PTPRD: variants seen among roughly 807,000 people sequenced by gnomAD.
PTPRD encodes the protein receptor-type tyrosine-protein phosphatase delta.
A neutral mutation model predicts 214.5 loss-of-function variants in PTPRD; 34 were observed. The observed-to-expected ratio is 0.16, with a 90% confidence interval of 0.12 to 0.21. The LOEUF (loss-of-function observed/expected upper bound fraction) is 0.21. PTPRD is among the 10% of genes least tolerant of loss of function. The probability of loss-of-function intolerance (pLI) is 1.00; values close to 1 mark genes in which losing one functional copy is unlikely to be tolerated. For synonymous variants in PTPRD, 1,128 were observed against 845.7 expected (o/e 1.33, Z -5.79); for missense variants, 2,545 against 2,398.7 (o/e 1.06, Z -1.27).
intron 9 of PTPRD, among the ~76,000 whole-genome samples, chr9:9,321,506 G>T: frequency 7.1e-6 from 1 of 139,876 alleles, no homozygotes; most frequent in East Asian, 2.4e-4. Context: ...TGTGAGCCGA[G>T]ATCACACCAT....
At chr9:10,467,682 G>A (rs1336447861) in intron 2 of PTPRD, among the ~76,000 whole-genome samples, 2 of 152,154 alleles carry the variant, frequency 1.3e-5, no homozygotes, top group African/African-American at 2.4e-5. Flanking sequence ...ATATATGTGT[G>A]TAAACACAAC....
chr9:8,543,046 T>C (rs2078897701), intron 14 of PTPRD, among the ~76,000 whole-genome samples: 1 of 152,230 alleles, frequency 6.6e-6, no homozygotes, highest in South Asian at 2.1e-4. Flanking sequence ...GTTGTGTTCC[T>C]ATGAAGACAT....
intron 12 of PTPRD, among the ~76,000 whole-genome samples, chr9:8,709,266 G>C (rs1018371423): frequency 6.6e-6 from 1 of 152,130 alleles, no homozygotes; most frequent in Non-Finnish European, 1.5e-5. Flanking sequence ...TGTAATGCCA[G>C]CACTTTGGGA....
intron 5 of PTPRD, among the ~76,000 whole-genome samples, chr9:9,883,828 C>T (rs1249824371): frequency 6.6e-6 from 1 of 152,088 alleles, no homozygotes; most frequent in African/African-American, 2.4e-5. Flanking sequence ...CAAGGGAAAA[C>T]AACTGAAGTA....
At chr9:8,545,463 G>A (rs1399065462) in intron 14 of PTPRD, among the ~76,000 whole-genome samples, 4 of 152,168 alleles carry the variant, frequency 2.6e-5, no homozygotes, top group African/African-American at 9.7e-5. Context: ...TTTATGAATT[G>A]CAGGACATGA....
At chr9:8,590,398 A>G (rs953360138) in intron 14 of PTPRD, among the ~76,000 whole-genome samples, 4 of 152,170 alleles carry the variant, frequency 2.6e-5, no homozygotes, top group Admixed American at 2.6e-4. Context: ...ATATCCTAAA[A>G]TTCAAGTGTG....
intron 3 of PTPRD, among the ~76,000 whole-genome samples, chr9:10,165,918 G>T (rs760163610): frequency 2.7e-5 from 4 of 150,528 alleles, no homozygotes; most frequent in African/African-American, 9.7e-5. Flanking sequence ...TCAATATATA[G>T]ATCTATGCAG....
At chr9:9,249,029 T>C (rs1334965937) in intron 9 of PTPRD, among the ~76,000 whole-genome samples, 1 of 152,016 alleles carries the variant, frequency 6.6e-6, no homozygotes, top group Admixed American at 6.6e-5. Flanking sequence ...AAATCTCATG[T>C]TGAAATGTGA....
intron 5 of PTPRD, among the ~76,000 whole-genome samples, chr9:9,857,037 C>T (rs867081767): frequency 2.0e-5 from 3 of 152,110 alleles, no homozygotes; most frequent in Non-Finnish European, 4.4e-5. Context: ...GAAGTAGGCA[C>T]TTTGGTTACA....
At chr9:10,056,101 C>T (rs2097640839) in intron 3 of PTPRD, among the ~76,000 whole-genome samples, 2 of 151,598 alleles carry the variant, frequency 1.3e-5, no homozygotes, top group African/African-American at 4.9e-5. Flanking sequence ...GGTGAGCGGA[C>T]CATGAGGTCA....
chr9:10,242,706 G>A (rs1342880734), intron 3 of PTPRD, among the ~76,000 whole-genome samples: 2 of 147,546 alleles, frequency 1.4e-5, no homozygotes, highest in Admixed American at 6.9e-5. Context: ...AAAAATCTCC[G>A]TCTAGGGCTT....
intron 11 of PTPRD, among the ~76,000 whole-genome samples, chr9:8,739,410 A>T (rs922145538): frequency 6.6e-6 from 1 of 152,224 alleles, no homozygotes; most frequent in Non-Finnish European, 1.5e-5. Context: ...ATCTGCATTG[A>T]CTAATAATTG....
At chr9:9,809,144 G>A (rs550441161) in intron 5 of PTPRD, among the ~76,000 whole-genome samples, 2 of 151,748 alleles carry the variant, frequency 1.3e-5, no homozygotes, top group Admixed American at 1.3e-4. Flanking sequence ...ATATTTGTGG[G>A]TCTCCCATGT....
chr9:9,543,298 G>A (rs2078040446), intron 8 of PTPRD, among the ~76,000 whole-genome samples: 1 of 151,620 alleles, frequency 6.6e-6, no homozygotes. Context: ...ACTGGTGGAT[G>A]TTAGAGTTGT....
At chr9:9,327,131 T>G (rs529634831) in intron 9 of PTPRD, among the ~76,000 whole-genome samples, 2 of 152,280 alleles carry the variant, frequency 1.3e-5, no homozygotes, top group Admixed American at 1.3e-4. Context: ...AAATACTCCA[T>G]CTACTGAAAT....
At chr9:8,859,342 G>A (rs1167675288) in intron 11 of PTPRD, among the ~76,000 whole-genome samples, 4 of 152,190 alleles carry the variant, frequency 2.6e-5, no homozygotes, top group African/African-American at 9.7e-5. Context: ...GGTGCACTGT[G>A]TGTATTGTTA....
chr9:10,602,786 C>G (rs1263706942), intron 2 of PTPRD, among the ~76,000 whole-genome samples: 1 of 151,684 alleles, frequency 6.6e-6, no homozygotes, highest in African/African-American at 2.4e-5. Context: ...TAATCAGTAT[C>G]CTTACATTTT....
chr9:9,692,811 A>G (rs546893842), intron 7 of PTPRD, among the ~76,000 whole-genome samples: 219 of 151,920 alleles, frequency 1.4e-3, no homozygotes, highest in Middle Eastern at 6.8e-3. Context: ...TTCTTTCATC[A>G]GTGTTTTATA....
intron 7 of PTPRD, among the ~76,000 whole-genome samples, chr9:9,608,951 G>C (rs2094352098): frequency 6.6e-6 from 1 of 151,974 alleles, no homozygotes; most frequent in African/African-American, 2.4e-5. Context: ...CCTTTGTTCT[G>C]ATTCTTTATT....
Sources: gnomAD v4.1 joint callset for allele counts (sites outside exome capture counted in the v4.1 genomes callset) on GRCh38, gnomAD v4.1.1 for gene constraint, MANE v1.5 for transcripts, NCBI Gene and HGNC (gene_info 2026-07-23, HGNC 2026-07-21) for gene names.